The following SURF1 variants were observed in gnomAD, a reference collection of about 807,000 sequenced individuals.
SURF1 encodes surfeit locus protein 1.
SURF1 carries 45 observed loss-of-function variants against 34.1 expected under a neutral mutation model. That is an observed-to-expected ratio of 1.32 (90% confidence interval 1.04 to 1.69). The LOEUF is 1.69. Ranked by LOEUF, SURF1 falls within the 40% of genes most tolerant of loss-of-function variation. The probability of loss-of-function intolerance (pLI) is 0.00; values close to 1 mark genes in which losing one functional copy is unlikely to be tolerated. For synonymous variants in SURF1, 188 were observed against 147.5 expected, an observed-to-expected ratio of 1.27 and a Z score of -1.99; for missense variants, 456 against 384.6, an observed-to-expected ratio of 1.19 and a Z score of -1.55.
intron 7 of SURF1, 140 bp from the exon 8 acceptor site, chr9:133,352,282 G>A (rs190331101): frequency 2.3e-4 from 312 of 1,375,768 alleles, no homozygotes; most frequent in Non-Finnish European, 2.7e-4. Flanking sequence ...GCCCTTGTCC[G>A]CTCAGTACTT....
intron 6 of SURF1, 35 bp downstream of exon 6, chr9:133,352,659 C>A: frequency 6.2e-7 from 1 of 1,613,790 alleles, no homozygotes; most frequent in Non-Finnish European, 8.5e-7. Flanking sequence ...ACTCCCAGAG[C>A]CTTCTCTAAA....
rs2130006839 is a variant in SURF1 at position 133,352,439 on chromosome 9, A to G, written c.751+7T>C. On this transcript the variant is annotated splice_region_variant and intron_variant, in intron 7 of 8. Transcript: ENST00000371974. ...CTTGTTCCGAGATGGGCTGGTCCAC[A>G]ACGTACGGAAGTTGGCATCAATGAA... The G allele has an allele frequency of 3.1e-6, 5 of 1,614,216 alleles. No homozygotes were observed. The highest frequency in any genetic ancestry group is 4.2e-6 in the Non-Finnish European group (5 of 1,180,044).
chr9:133,354,041 G>C, intron 4 of SURF1, 101 bp from the exon 5 acceptor site: 1 of 1,385,832 alleles, frequency 7.2e-7, no homozygotes, highest in Non-Finnish European at 1.0e-6. Context: ...ACAAGTGAAG[G>C]AGAAAGGCAA....
intron 2 of SURF1, 180 bp downstream of exon 2, chr9:133,356,089 C>T (rs1045775598): frequency 1.2e-6 from 1 of 847,302 alleles, no homozygotes; most frequent in Non-Finnish European, 1.9e-6. Context: ...GCTACATGCC[C>T]GGCACACGAC....
chr9:133,356,401 C>G lies in SURF1; in HGVS notation c.53G>C (p.Arg18Pro). 1.3e-6 allele frequency: 1 copy of G among 742,618 alleles called. No homozygotes were observed. The highest frequency in any genetic ancestry group is 3.4e-5 in the South Asian group (1 of 29,620). 46.0% of individuals were successfully genotyped at this position (742,618 alleles called of 1,614,324 possible). Residue 18 changes from arginine to proline, a missense_variant and splice_region_variant, in exon 1 of 9, where the codon CGG (arginine) becomes CCG (proline). By Grantham distance (103) the Arg-to-Pro change is moderately radical. Transcript: ENST00000371974. ...CCGCACCCCGCACCCGGCGCTCACC[C>G]GTCCCAGCCCCGCCGCCCGCAGCCC... ...QLGLRAAGLG[R>P]APASAAWRSV...
chr9:133,353,157 A>G (rs185335087), intron 5 of SURF1, among the ~76,000 whole-genome samples: 1 of 152,340 alleles, frequency 6.6e-6, no homozygotes, highest in Non-Finnish European at 1.5e-5. Context: ...CGTGAGGAGC[A>G]GCCCTGGCAC....
At chr9:133,352,662 T>C (rs2130009052) in intron 6 of SURF1, 32 bp downstream of exon 6, 6 of 1,613,700 alleles carry the variant, frequency 3.7e-6, no homozygotes, top group Non-Finnish European at 4.2e-6. Flanking sequence ...CCCAGAGCCT[T>C]CTCTAAAGTA....
chr9:133,352,915 A>G, intron 5 of SURF1, 149 bp from the exon 6 acceptor site: 3 of 899,800 alleles, frequency 3.3e-6, no homozygotes, highest in Non-Finnish European at 5.3e-6. Flanking sequence ...GCAGTGCCAC[A>G]CAGGCAAAGT....
rs1335925387 is a variant in SURF1, at chr9:133,352,781, G to A, written c.516-15C>T. On this transcript the variant is annotated splice_polypyrimidine_tract_variant and intron_variant, in intron 5 of 8. Coordinates refer to ENST00000371974, the MANE Select transcript of SURF1 (RefSeq NM_003172.4). ...GGATGGTGACTCTAGGGTAATGAAA[G>A]TGCTACTTCAGGTGGGGAGGGTTTT... 6.2e-7 allele frequency: 1 copy of A among 1,606,562 alleles called. No homozygotes were observed. The highest frequency in any genetic ancestry group is 2.1e-4 in the Middle Eastern group (1 of 4,842).
At chr9:133,354,125 C>T (rs1836507600) in intron 4 of SURF1, 185 bp from the exon 5 acceptor site, 1 of 696,072 alleles carries the variant, frequency 1.4e-6, no homozygotes, top group Non-Finnish European at 2.5e-6. Context: ...TCCAACTTTA[C>T]AAGAGAGGCT....
intron 2 of SURF1, 116 bp from the exon 3 acceptor site, chr9:133,355,073 C>T: frequency 7.4e-7 from 1 of 1,342,768 alleles, no homozygotes; most frequent in Non-Finnish European, 1.1e-6. Context: ...CTAGAGCCAA[C>T]TAGCAGCACC....
In SURF1 at chr9:133,352,454, G is replaced by A. The variant is rs2130007027; in HGVS notation, c.743C>T (p.Ala248Val). Residue 248 changes from alanine (A) to valine (V), a missense_variant, in exon 7 of 9, where the codon GCC (alanine) becomes GTC (valine). By Grantham distance (64) the Ala-to-Val change is moderately conservative (BLOSUM62 0). Transcript: ENST00000371974. ...GCTGGTCCACAACGTACGGAAGTTGGCATCAATGAAGATGGGCTCTGCGCC... is the reference window on the plus strand; with the variant it reads ...GCTGGTCCACAACGTACGGAAGTTGACATCAATGAAGATGGGCTCTGCGCC... The part of the protein sequence containing the change: ...ITGAEPIFID[A>V]NFQSTVPGGP... 1 of 1,614,214 alleles carries A rather than the reference G, an allele frequency of 6.2e-7. No homozygotes were observed. Among genetic ancestry groups the A allele is most frequent in the Admixed American group, 1.7e-5 (1 of 60,018 alleles).
chr9:133,354,802 CACACCAG>C lies in SURF1; in HGVS notation c.240+15_240+21del, dbSNP rs2130018800. On this transcript the variant is annotated intron_variant, in intron 3 of 8. Coordinates refer to ENST00000371974, the MANE Select transcript of SURF1 (RefSeq NM_003172.4). ...GCAAGGTCAAGGGCCCAGAGTTACG[CACACCAG>C]ATGCCGGTCTTTACCTGCCATGTCC... 1.5e-5 allele frequency: 25 copies of C among 1,613,780 alleles called. No homozygotes were observed. The Admixed American group carries it at 3.5e-4, about 23-fold the overall frequency.
chr9:133,356,102 C>T, intron 2 of SURF1, 167 bp downstream of exon 2: 2 of 945,378 alleles, frequency 2.1e-6, no homozygotes, highest in Non-Finnish European at 3.2e-6. Flanking sequence ...CACACGACCA[C>T]AATTCCACTG....
Position 133,352,459 on chromosome 9 carries a change from A to G in SURF1, c.738T>C (p.Ile246=). Residue 246 remains isoleucine (I), a synonymous_variant, in exon 7 of 9, where the codon ATT becomes ATC. Transcript: ENST00000371974. ...ARITGAEPIF[I]DANFQSTVPG... ...TCCACAACGTACGGAAGTTGGCATC[A>G]ATGAAGATGGGCTCTGCGCCTGTGA... 1.2e-6 allele frequency: 2 copies of G among 1,614,222 alleles called. No homozygotes were observed. Among genetic ancestry groups the G allele is most frequent in the Non-Finnish European group, 8.5e-7 (1 of 1,180,040 alleles).
At chr9:133,354,380 CCCTGTGG>C (rs2119084448) in intron 4 of SURF1, 1 of 532,896 alleles carries the variant, frequency 1.9e-6, no homozygotes. Flanking sequence ...GGGCCTTGGG[CCCTGTGG>C]AGGATAAGTT....
In SURF1 at chr9:133,352,683, A is replaced by G. The variant is rs1340125652; in HGVS notation, c.588+11T>C. On this transcript the variant is annotated intron_variant, in intron 6 of 8. Transcript: ENST00000371974. ...GCCTTCTCTAAAGTAGGAAGAGTCCATGTCCCTTACCTGGCCTTTCTGCCG... is the reference window on the plus strand; with the variant it reads ...GCCTTCTCTAAAGTAGGAAGAGTCCGTGTCCCTTACCTGGCCTTTCTGCCG... 11 of 1,613,804 alleles carry G rather than the reference A, an allele frequency of 6.8e-6. No individual in the cohort carries two copies. Among genetic ancestry groups the G allele is most frequent in the Admixed American group, 3.3e-5 (2 of 59,970 alleles).
chr9:133,355,305 G>A (rs1484517085), intron 2 of SURF1, among the ~76,000 whole-genome samples: 1 of 152,166 alleles, frequency 6.6e-6, no homozygotes, highest in Non-Finnish European at 1.5e-5. Context: ...AGTTGGCCGG[G>A]CACGGTGGCT....
intron 5 of SURF1, among the ~76,000 whole-genome samples, chr9:133,353,278 CTAGT>C (rs1173584150): frequency 6.6e-6 from 1 of 152,184 alleles, no homozygotes; most frequent in East Asian, 1.9e-4. Context: ...CTCCAGTTCC[CTAGT>C]TAATCACACA....
Sources: allele counts gnomAD v4.1 joint callset (sites outside exome capture counted in the v4.1 genomes callset), GRCh38; gene constraint gnomAD v4.1.1; transcripts MANE v1.5; gene names NCBI Gene and HGNC (gene_info 2026-07-23, HGNC 2026-07-21).